CYFIP2: variants seen among roughly 807,000 people sequenced by gnomAD.
CYFIP2 encodes cytoplasmic FMR1 interacting protein 2.
In CYFIP2, 29 loss-of-function variants were observed where a neutral mutation model predicts 158.7. The observed-to-expected ratio is 0.18, with a 90% CI of 0.14 to 0.25. CYFIP2 has a LOEUF of 0.25. Among genes scored for constraint, CYFIP2 ranks in the 10% least tolerant of loss-of-function variants. The probability of loss-of-function intolerance (pLI) is 1.00; values close to 1 mark genes in which losing one functional copy is unlikely to be tolerated. For missense variants in CYFIP2, 852 were observed against 1,639.5 expected (o/e 0.52, Z 8.29); for synonymous variants, 585 against 617.6 (o/e 0.95, Z 0.78).
intron 26 of CYFIP2, chr5:157,362,962 T>C (rs1763972615): frequency 6.6e-6 from 1 of 152,218 alleles, no homozygotes; most frequent in African/African-American, 2.4e-5. Context: ...GCCAGAAAGA[T>C]ACACCACATG....
rs1255540251 is a variant in CYFIP2, at chr5:157,325,592, A to G, written c.1936A>G (p.Ile646Val). 1.9e-6 allele frequency: 3 copies of G among 1,612,648 alleles called. No individual in the cohort carries two copies. The highest frequency in any genetic ancestry group is 2.5e-6 in the Non-Finnish European group (3 of 1,179,288). The change falls in exon 17 of 31, where the codon ATT (isoleucine) becomes GTT (valine). Residue 646 changes from isoleucine to valine, a missense_variant. Ile to Val is a conservative substitution (Grantham distance 29, BLOSUM62 3). Coordinates refer to ENST00000620254, the MANE Select transcript of CYFIP2 (RefSeq NM_001037333.3). ...CCCCATCGAGATGTCCATGCCCTGG[A>G]TTCTAACGGACCATATCCTGGAAAC... ...QFPIEMSMPW[I>V]LTDHILETKE...
At chr5:157,338,831 C>G (rs1340146874) in intron 21 of CYFIP2, among the ~76,000 whole-genome samples, 1 of 152,220 alleles carries the variant, frequency 6.6e-6, no homozygotes, top group African/African-American at 2.4e-5. Context: ...CTACCTTGCC[C>G]TTAACCTTCT....
At chr5:157,286,025 G>A (rs923232133) in intron 2 of CYFIP2, among the ~76,000 whole-genome samples, 4 of 152,234 alleles carry the variant, frequency 2.6e-5, no homozygotes, top group African/African-American at 9.6e-5. Flanking sequence ...CAGATGCCAT[G>A]TTAAGAAAGG....
intron 30 of CYFIP2, among the ~76,000 whole-genome samples, chr5:157,392,281 T>C (rs74835515): frequency 0.018 from 2,669 of 152,362 alleles, 75 homozygotes; most frequent in African/African-American, 0.058. Flanking sequence ...TTTGATGTCA[T>C]ACCCCAAGAT....
At chr5:157,354,965 G>A (rs1763316431) in intron 23 of CYFIP2, among the ~76,000 whole-genome samples, 1 of 152,082 alleles carries the variant, frequency 6.6e-6, no homozygotes, top group Non-Finnish European at 1.5e-5. Context: ...TCAGAAGGAT[G>A]AGCGTCCAGG....
chr5:157,268,336 G>A (rs1412710626), intron 1 of CYFIP2, among the ~76,000 whole-genome samples: 1 of 152,220 alleles, frequency 6.6e-6, no homozygotes, highest in Non-Finnish European at 1.5e-5. Flanking sequence ...ACCCAGTGGG[G>A]TTGGAGAGTT....
chr5:157,343,631 A>C (rs1762465160), intron 23 of CYFIP2: 2 of 1,057,186 alleles, frequency 1.9e-6, no homozygotes, highest in African/African-American at 3.2e-5. Context: ...TGCACATTTG[A>C]GACGGGCACT....
In CYFIP2 at chr5:157,309,971, G is replaced by A. The variant is rs953466891; in HGVS notation, c.992+137G>A. The A allele has an allele frequency of 7.7e-5, 64 of 827,682 alleles. 2 individuals carry two copies. In the East Asian group the frequency reaches 1.2e-3, roughly 16 times the overall value. 51.3% of individuals were successfully genotyped at this position (827,682 alleles called of 1,614,324 possible). ...TTCCATCAGAACACAGGTGCCGGCCGGAGGGGAGCCGCGAGGGTGCTCTGA... is the reference window on the plus strand; with the variant it reads ...TTCCATCAGAACACAGGTGCCGGCCAGAGGGGAGCCGCGAGGGTGCTCTGA... On this transcript the variant is annotated intron_variant, in intron 10 of 30. Transcript: ENST00000620254.
chr5:157,318,648 A>G (rs1270239176), intron 13 of CYFIP2, among the ~76,000 whole-genome samples: 4 of 152,084 alleles, frequency 2.6e-5, no homozygotes, highest in Non-Finnish European at 5.9e-5. Flanking sequence ...TCATTCATTT[A>G]TTTGTTCCTT....
rs757246607 is a variant in CYFIP2, at chr5:157,390,582, C to G, written c.3508C>G (p.Gln1170Glu). ...CTCCATCATTGTCCTGCTGGGCCAG[C>G]AGCGTCGCTTTGACCTGTTCGACTT... ...GCSIIVLLGQ[Q>E]RRFDLFDFCY... Residue 1170 changes from glutamine to glutamate, a missense_variant, in exon 30 of 31, where the codon CAG (glutamine) becomes GAG (glutamate). Gln to Glu is a conservative substitution (Grantham distance 29). Transcript: ENST00000620254. 1 of 1,558,600 alleles carries G rather than the reference C, an allele frequency of 6.4e-7. No homozygotes were observed. Among genetic ancestry groups the G allele is most frequent in the South Asian group, 1.2e-5 (1 of 84,524 alleles).
intron 26 of CYFIP2, among the ~76,000 whole-genome samples, chr5:157,370,063 T>C (rs1764851832): frequency 6.6e-6 from 1 of 152,032 alleles, no homozygotes; most frequent in Non-Finnish European, 1.5e-5. Context: ...GTATTTTTAG[T>C]AGAGACCAGG....
chr5:157,300,172 GC>G (rs1210259738), intron 5 of CYFIP2, among the ~76,000 whole-genome samples: 1 of 152,146 alleles, frequency 6.6e-6, no homozygotes, highest in Non-Finnish European at 1.5e-5. Context: ...GTAATGCTCA[GC>G]CAATGTATGT....
At chr5:157,282,808 A>G (rs1228132548) in intron 1 of CYFIP2, among the ~76,000 whole-genome samples, 1 of 152,190 alleles carries the variant, frequency 6.6e-6, no homozygotes, top group Non-Finnish European at 1.5e-5. Flanking sequence ...ATCAGTGAGA[A>G]ATGGTGTATC....
chr5:157,348,549 C>T (rs995415217), intron 23 of CYFIP2, among the ~76,000 whole-genome samples: 3 of 152,138 alleles, frequency 2.0e-5, no homozygotes, highest in African/African-American at 7.2e-5. Flanking sequence ...GTACCTGGGA[C>T]TACAGGTGTG....
chr5:157,386,187 C>T (rs1416129228), intron 28 of CYFIP2, among the ~76,000 whole-genome samples: 2 of 152,060 alleles, frequency 1.3e-5, no homozygotes, highest in African/African-American at 4.8e-5. Flanking sequence ...TTTTTCATCT[C>T]AAGTTGATGA....
intron 8 of CYFIP2, among the ~76,000 whole-genome samples, chr5:157,307,116 AC>A (rs900517182): frequency 6.6e-6 from 1 of 152,200 alleles, no homozygotes; most frequent in African/African-American, 2.4e-5. Flanking sequence ...ATGTCAACCT[AC>A]TCAGAGGGCA....
rs761581349 is a variant in CYFIP2 at position 157,327,968 on chromosome 5, A to G, written c.2080-5A>G. 1.9e-6 allele frequency: 3 copies of G among 1,613,632 alleles called. No individual in the cohort carries two copies. The highest frequency in any genetic ancestry group is 2.5e-6 in the Non-Finnish European group (3 of 1,179,760). ...CAGTGATGTTTCCTGCTTCCTCTCCACCAGGTGAACCTGTGTTTTGATCAG... is the reference window on the plus strand; with the variant it reads ...CAGTGATGTTTCCTGCTTCCTCTCCGCCAGGTGAACCTGTGTTTTGATCAG... On this transcript the variant is annotated splice_region_variant and splice_polypyrimidine_tract_variant and intron_variant, in intron 18 of 30. Transcript: ENST00000620254.
In CYFIP2 at chr5:157,367,075, A is replaced by C. The variant is rs965400571; in HGVS notation, c.3039+5477A>C. Among the ~76,000 whole-genome samples the C allele has an allele frequency of 2.0e-5, 3 of 151,950 alleles. No homozygotes were observed. The East Asian group carries it at 5.8e-4, about 29-fold the overall frequency. ...CCTTATTAGAGTGGACCACAGAAACACTCCGGTCAGTCATTTGAGAGCATT... is the reference window on the plus strand; with the variant it reads ...CCTTATTAGAGTGGACCACAGAAACCCTCCGGTCAGTCATTTGAGAGCATT... On this transcript the variant is annotated intron_variant, in intron 26 of 30. Coordinates refer to ENST00000620254, the MANE Select transcript of CYFIP2 (RefSeq NM_001037333.3).
At chr5:157,360,397 A>T in intron 25 of CYFIP2, 25 bp downstream of exon 25, 1 of 1,594,502 alleles carries the variant, frequency 6.3e-7, no homozygotes. Context: ...AACAATCCAG[A>T]CCCCTCCCAT....
Sources: gnomAD v4.1 joint callset for allele counts (sites outside exome capture counted in the v4.1 genomes callset) on GRCh38, gnomAD v4.1.1 for gene constraint, MANE v1.5 for transcripts, NCBI Gene and HGNC (gene_info 2026-07-23, HGNC 2026-07-21) for gene names.